The following GPR4 variants were observed in gnomAD, a reference collection of about 807,000 sequenced individuals.
The protein encoded by GPR4 is G-prodeshotein coupled receptor 4.
GPR4 carries 11 observed loss-of-function variants against 17.8 expected under a neutral mutation model. That is an observed-to-expected ratio of 0.62 (90% CI 0.39 to 1.02). The LOEUF (loss-of-function observed/expected upper bound fraction) is 1.02, where lower values mean the gene tolerates loss of function less well. Among genes scored for constraint, GPR4 ranks in the 50% least tolerant of loss-of-function variants. GPR4 has a pLI of 0.00. For synonymous variants in GPR4, 219 were observed against 222.8 expected, an observed-to-expected ratio of 0.98 and a Z score of 0.15; for missense variants, 364 against 495.4, an observed-to-expected ratio of 0.73 and a Z score of 2.52.
Position 45,597,136 on chromosome 19 carries a change from T to G in GPR4, c.-831-4439A>C, listed in dbSNP as rs147354691. On this transcript the variant is annotated intron_variant, in intron 1 of 1. Transcript: ENST00000323040. ...CAGGCTGGAGTGCAGTGGCACGATC[T>G]CGGCTCACTGAAACCTCCGCCACCT... Among the ~76,000 whole-genome samples the G allele has an allele frequency of 2.3e-3, 357 of 152,128 alleles. 1 individual carries two copies. The highest frequency in any genetic ancestry group is 0.018 in the South Asian group (86 of 4,816).
intron 1 of GPR4, among the ~76,000 whole-genome samples, chr19:45,596,706 G>A (rs753105871): frequency 6.6e-6 from 1 of 151,940 alleles, no homozygotes; most frequent in Non-Finnish European, 1.5e-5. Flanking sequence ...CACCACACCT[G>A]GCTAATCGTT....
intron 1 of GPR4, among the ~76,000 whole-genome samples, chr19:45,594,382 A>C (rs544080570): frequency 7.1e-6 from 1 of 140,082 alleles, no homozygotes; most frequent in African/African-American, 2.7e-5. Context: ...AGATCACGCC[A>C]TTGCACTCCA....
intron 1 of GPR4, among the ~76,000 whole-genome samples, chr19:45,595,810 G>T (rs1970052546): frequency 6.6e-6 from 1 of 151,926 alleles, no homozygotes; most frequent in South Asian, 2.1e-4. Flanking sequence ...GCTGCTAGCT[G>T]CTCTGGTGAA....
Position 45,591,224 on chromosome 19 carries a change from C to T in GPR4, c.643G>A (p.Glu215Lys). The T allele has an allele frequency of 2.5e-6, 4 of 1,613,418 alleles. No homozygotes were observed. Among genetic ancestry groups the T allele is most frequent in the East Asian group, 2.2e-5 (1 of 44,872 alleles). Residue 215 changes from glutamate (E) to lysine (K), a missense_variant, in exon 2 of 2, where the codon GAG becomes AAG. By Grantham distance (56) the Glu-to-Lys change is moderately conservative. Coordinates refer to ENST00000323040, the MANE Select transcript of GPR4 (RefSeq NM_005282.3). This position sits in a 1 kb window ranked among gnomAD's most constrained non-coding sequence, Gnocchi z 7.6. ...TTGATCTTGGCCTTCTCCTGGCGCT[C>T]GGTGGACACGCTGCCCCGCACGGCC... ...LRAVRGSVST[E>K]RQEKAKIKRL... is the part of the protein sequence containing the mutation.
At chr19:45,594,492 C>G (rs1021493524) in intron 1 of GPR4, among the ~76,000 whole-genome samples, 4 of 151,396 alleles carry the variant, frequency 2.6e-5, no homozygotes, top group Non-Finnish European at 5.9e-5. Flanking sequence ...TAGGAGTGAG[C>G]CACCATGCCC....
At chr19:45,597,696 C>G (rs973609607) in intron 1 of GPR4, among the ~76,000 whole-genome samples, 1 of 152,226 alleles carries the variant, frequency 6.6e-6, no homozygotes, top group Non-Finnish European at 1.5e-5. Flanking sequence ...AAAACATACT[C>G]TCTGCCCATG....
At chr19:45,602,063 T>C (rs1970116578) in intron 1 of GPR4, 32 bp downstream of exon 1, 1 of 151,948 alleles carries the variant, frequency 6.6e-6, no homozygotes. Context: ...CCCCGCAGCA[T>C]CGCGGGCAGC....
intron 1 of GPR4, among the ~76,000 whole-genome samples, chr19:45,601,082 C>T (rs1970106332): frequency 6.6e-6 from 1 of 152,132 alleles, no homozygotes; most frequent in African/African-American, 2.4e-5. Flanking sequence ...GGCGGATACC[C>T]CCTTGGTGGG....
chr19:45,595,275 CTAAATAAATAAATAAATAAA>C (rs72050823), intron 1 of GPR4, among the ~76,000 whole-genome samples: 1,518 of 138,344 alleles, frequency 0.011, 24 homozygotes, highest in African/African-American at 0.038. Context: ...AACTCCATCT[CTAAATAAATAAATAAATAAA>C]TAAATAAATA....
Position 45,591,837 on chromosome 19 carries a change from G to A in GPR4, c.30C>T (p.His10=), listed in dbSNP as rs199791684. Reference sequence around the variant, plus strand: ...AGAGGTGGTCCACGCGCGAGTCCACGTGGCAGCCCTCCCACGTGTGGTTGC... The same window carrying A: ...AGAGGTGGTCCACGCGCGAGTCCACATGGCAGCCCTCCCACGTGTGGTTGC... MGNHTWEGC[H]VDSRVDHLFP... Residue 10 remains histidine, a synonymous_variant, in exon 2 of 2, where the codon CAC becomes CAT. Transcript: ENST00000323040. The surrounding 1 kb of genome is among the most constrained non-coding windows in gnomAD (Gnocchi z 7.6). The A allele has an allele frequency of 2.3e-5, 37 of 1,579,248 alleles. No individual in the cohort carries two copies. The highest frequency in any genetic ancestry group is 3.5e-5 in the Admixed American group (2 of 57,236).
intron 1 of GPR4, among the ~76,000 whole-genome samples, chr19:45,601,066 G>A (rs952846793): frequency 1.5e-4 from 23 of 152,158 alleles, no homozygotes; most frequent in African/African-American, 2.4e-5. Flanking sequence ...CAAAGACAGA[G>A]GTGGGGGCGG....
At position 45,592,651 on chromosome 19, in the gene GPR4, G is replaced by A. The variant is rs888750731; in HGVS notation, c.-785C>T. 1 of 167,258 alleles carries A rather than the reference G, an allele frequency of 6.0e-6. No homozygotes were observed. The highest frequency in any genetic ancestry group is 2.4e-5 in the African/African-American group (1 of 41,412). The allele number at this position is 167,258 out of a possible 1,614,324, so 10.4% of individuals were successfully genotyped here. On this transcript the variant is annotated 5_prime_UTR_variant, in exon 2 of 2. Transcript: ENST00000323040. ...GAGGGACTCCAGACTGGTCCTGGTGGGGGCTGAGGGATTGGGATGAAGTCA... is the reference window on the plus strand; with the variant it reads ...GAGGGACTCCAGACTGGTCCTGGTGAGGGCTGAGGGATTGGGATGAAGTCA...
At chr19:45,594,628 G>C (rs1316343231) in intron 1 of GPR4, among the ~76,000 whole-genome samples, 1 of 152,156 alleles carries the variant, frequency 6.6e-6, no homozygotes, top group Non-Finnish European at 1.5e-5. Flanking sequence ...CTGATGTCTA[G>C]AGTGCAGCCA....
Position 45,590,745 on chromosome 19 carries a change from G to A in GPR4, c.*33C>T. On this transcript the variant is annotated 3_prime_UTR_variant, in exon 2 of 2. Coordinates refer to ENST00000323040, the MANE Select transcript of GPR4 (RefSeq NM_005282.3). The stretch of plus-strand genomic sequence containing the variant: ...GGAGAGAAGGGACTGTGGGATGAGA[G>A]GGGAAAACTGGGGATTCTGTGCCAC... 2.0e-6 allele frequency: 3 copies of A among 1,535,062 alleles called. No individual in the cohort carries two copies. The Admixed American group carries it at 6.2e-5, about 32-fold the overall frequency.
chr19:45,594,063 A>AAAAAT (rs1376607021), intron 1 of GPR4, among the ~76,000 whole-genome samples: 12 of 36,244 alleles, frequency 3.3e-4, no homozygotes, highest in Non-Finnish European at 4.1e-4. Flanking sequence ...AAAAAAAAAA[A>AAAAAT]ATATATATAT....
At chr19:45,595,524 C>T (rs113785098) in intron 1 of GPR4, among the ~76,000 whole-genome samples, 122 of 152,156 alleles carry the variant, frequency 8.0e-4, no homozygotes, top group Admixed American at 2.0e-3. Flanking sequence ...TGCCCTTTCC[C>T]CCGCAATTTT....
In GPR4 at chr19:45,590,820, C is replaced by T; in HGVS notation, c.1047G>A (p.Gln349=). Residue 349 remains glutamine, a synonymous_variant, in exon 2 of 2, where the codon CAG becomes CAA. Coordinates refer to ENST00000323040, the MANE Select transcript of GPR4 (RefSeq NM_005282.3). ...GCATCTTCAGCTGCACCTGGTCCCCCTGGGAGGGCGGAGTGGCCGCCCAGC... is the reference window on the plus strand; with the variant it reads ...GCATCTTCAGCTGCACCTGGTCCCCTTGGGAGGGCGGAGTGGCCGCCCAGC... The part of the protein sequence containing the change: ...TGSWAATPPS[Q]GDQVQLKMLP... The T allele has an allele frequency of 6.2e-7, 1 of 1,603,778 alleles. No homozygotes were observed. Among genetic ancestry groups the T allele is most frequent in the South Asian group, 1.1e-5 (1 of 89,444 alleles).
chr19:45,597,154 C>T (rs901808604), intron 1 of GPR4, among the ~76,000 whole-genome samples: 3 of 152,052 alleles, frequency 2.0e-5, no homozygotes, highest in Admixed American at 6.6e-5. Context: ...CTGAAACCTC[C>T]GCCACCTGGG....
Position 45,590,407 on chromosome 19 carries a change from T to A in GPR4, c.*371A>T. 1 of 195,504 alleles carries A rather than the reference T, an allele frequency of 5.1e-6. No individual in the cohort carries two copies. The highest frequency in any genetic ancestry group is 1.0e-5 in the Non-Finnish European group (1 of 96,938). 12.1% of individuals were successfully genotyped at this position (195,504 alleles called of 1,614,324 possible). A position where few individuals can be genotyped will look rare whatever the true frequency, so the allele number is the denominator to read the frequency against. On this transcript the variant is annotated 3_prime_UTR_variant, in exon 2 of 2. Coordinates refer to ENST00000323040, the MANE Select transcript of GPR4 (RefSeq NM_005282.3). ...ACAAAAATTAGCCAGGCATGGTGGC[T>A]CACATTTGTGGTCCCAGCTACTCGG...
Sources: gnomAD v4.1 joint callset for allele counts (sites outside exome capture counted in the v4.1 genomes callset) on GRCh38, gnomAD v4.1.1 for gene constraint, Gnocchi (gnomAD v3.1) non-coding constraint, MANE v1.5 for transcripts, NCBI Gene and HGNC (gene_info 2026-07-23, HGNC 2026-07-21) for gene names.